ANKRD36C: variants seen among roughly 807,000 people sequenced by gnomAD.
ANKRD36C encodes the protein ankyrin repeat domain 36C.
In ANKRD36C, 61 loss-of-function variants were observed where a neutral mutation model predicts 276.4. That is an observed-to-expected ratio of 0.22 (90% CI 0.18 to 0.27). ANKRD36C has a LOEUF of 0.27. Among genes scored for constraint, ANKRD36C ranks in the 10% least tolerant of loss-of-function variants. ANKRD36C has a pLI of 1.00. For synonymous variants in ANKRD36C, 483 were observed against 680.1 expected, an observed-to-expected ratio of 0.71 and a Z score of 4.51; for missense variants, 1,447 against 2,032.3, an observed-to-expected ratio of 0.71 and a Z score of 5.54.
intron 6 of ANKRD36C, among the ~76,000 whole-genome samples, chr2:95,970,792 G>C (rs1353386521): frequency 1.3e-5 from 2 of 152,134 alleles, no homozygotes; most frequent in Non-Finnish European, 2.9e-5. Context: ...AAATAGGAAA[G>C]ACTTTCTGAC....
At chr2:95,854,562 T>C (rs1675365279) in intron 63 of ANKRD36C, among the ~76,000 whole-genome samples, 1 of 152,046 alleles carries the variant, frequency 6.6e-6, no homozygotes, top group Admixed American at 6.6e-5. Flanking sequence ...GAAATAAAAA[T>C]TATGAGCAAA....
At chr2:95,859,760 T>C (rs1386976266) in intron 61 of ANKRD36C, 101 bp downstream of exon 81, 2 of 1,327,754 alleles carry the variant, frequency 1.5e-6, no homozygotes, top group Non-Finnish European at 2.1e-6. Flanking sequence ...CTTTCTTCCC[T>C]GTTAAATCCT....
chr2:95,951,320 T>C (rs1487452115), intron 15 of ANKRD36C, 28 bp downstream of exon 15: 3 of 1,386,248 alleles, frequency 2.2e-6, no homozygotes, highest in Middle Eastern at 3.5e-4. Context: ...CAGTAAATAC[T>C]ACAATAGGCA....
chr2:95,857,209 G>T, intron 62 of ANKRD36C, 100 bp downstream of exon 82: 3 of 1,336,104 alleles, frequency 2.2e-6, no homozygotes, highest in Non-Finnish European at 9.8e-7. Context: ...ATAAAATTTG[G>T]GGATTGTTCA....
chr2:95,939,685 A>G (rs1272399256), intron 20 of ANKRD36C, among the ~76,000 whole-genome samples: 2 of 150,234 alleles, frequency 1.3e-5, no homozygotes, highest in African/African-American at 4.9e-5. Context: ...AGCCTGGGTG[A>G]CAGAGCGAGA....
At position 95,978,106 on chromosome 2, in the gene ANKRD36C, C is replaced by G; in HGVS notation, c.799+16G>C. 1 of 1,059,128 alleles carries G rather than the reference C, an allele frequency of 9.4e-7. No homozygotes were observed. The allele number at this position is 1,059,128 out of a possible 1,614,324, so 65.6% of individuals were successfully genotyped here. On this transcript the variant is annotated intron_variant, in intron 6 of 66. Coordinates refer to ENST00000456556, the Ensembl canonical transcript of ANKRD36C. ...TGGTAGTACCATCAAGAGTAATTCA[C>G]TATCAGAAATCTTACCTGGATTGCT...
At chr2:95,988,255 C>T (rs1679073471) in intron 1 of ANKRD36C, among the ~76,000 whole-genome samples, 1 of 151,274 alleles carries the variant, frequency 6.6e-6, no homozygotes, top group Non-Finnish European at 1.5e-5. Flanking sequence ...ATAGGTATGG[C>T]TCATTTTTTT....
At chr2:95,890,882 G>T (rs1031595863) in intron 46 of ANKRD36C, among the ~76,000 whole-genome samples, 40 of 151,462 alleles carry the variant, frequency 2.6e-4, no homozygotes, top group Non-Finnish European at 5.6e-4. Context: ...GAAGTTTCAT[G>T]AAATAGCTAT....
At chr2:95,916,220 G>A in intron 36 of ANKRD36C, 49 bp from the exon 39 acceptor site, 1 of 1,599,188 alleles carries the variant, frequency 6.3e-7, no homozygotes, top group Non-Finnish European at 8.5e-7. Flanking sequence ...ATATGATAAA[G>A]TTATCCATAC....
intron 1 of ANKRD36C, among the ~76,000 whole-genome samples, chr2:95,989,923 T>C (rs2104549597): frequency 6.6e-6 from 1 of 152,358 alleles, no homozygotes; most frequent in South Asian, 2.1e-4. Flanking sequence ...AATGCTTTGC[T>C]CTATTTTAAA....
At chr2:95,943,619 A>C (rs1677957715) in intron 19 of ANKRD36C, among the ~76,000 whole-genome samples, 1 of 151,698 alleles carries the variant, frequency 6.6e-6, no homozygotes, top group South Asian at 2.1e-4. Flanking sequence ...AAGATTATGG[A>C]AAAGTGAAAT....
rs537161140 is a variant in ANKRD36C at position 95,956,150 on chromosome 2, T to C, written c.1136+636A>G. 2.2e-4 allele frequency among the ~76,000 whole-genome samples: 34 copies of C among 152,280 alleles called. No individual in the cohort carries two copies. The South Asian group carries it at 7.0e-3, about 32-fold the overall frequency. On this transcript the variant is annotated intron_variant, in intron 13 of 66. Transcript: ENST00000456556. ...AAATATCATTTTAATATATGCTAAA[T>C]ATAGTTATCATAACATGGTCTATAT... is the stretch of plus-strand genomic sequence containing the variant.
chr2:95,990,906 G>C (rs1471235112), intron 1 of ANKRD36C, among the ~76,000 whole-genome samples: 1 of 152,090 alleles, frequency 6.6e-6, no homozygotes, highest in African/African-American at 2.4e-5. Flanking sequence ...ATAAAACGCT[G>C]TACATGCTGA....
At chr2:95,978,546 T>C (rs539772901) in intron 5 of ANKRD36C, among the ~76,000 whole-genome samples, 1 of 152,266 alleles carries the variant, frequency 6.6e-6, no homozygotes, top group Admixed American at 6.5e-5. Context: ...TTTTACTATC[T>C]CCTTTCACTA....
At chr2:95,950,395 G>A (rs201045990) in intron 16 of ANKRD36C, among the ~76,000 whole-genome samples, 6,966 of 96,352 alleles carry the variant, frequency 0.072, no homozygotes, top group East Asian at 0.18. Context: ...TTGATCTGAT[G>A]TAAATAAGTA....
intron 48 of ANKRD36C, among the ~76,000 whole-genome samples, chr2:95,888,861 C>A (rs141803341): frequency 5.3e-5 from 8 of 151,558 alleles, no homozygotes; most frequent in African/African-American, 1.9e-4. Flanking sequence ...CTGCTACAAG[C>A]ATTAGATATT....
At chr2:95,914,836 G>A (rs1229084199) in intron 38 of ANKRD36C, among the ~76,000 whole-genome samples, 4 of 151,424 alleles carry the variant, frequency 2.6e-5, no homozygotes, top group Admixed American at 6.6e-5. Context: ...TGATCACTTT[G>A]GATACCTGTT....
chr2:95,862,021 G>T (rs964575170), intron 60 of ANKRD36C, among the ~76,000 whole-genome samples: 4 of 151,466 alleles, frequency 2.6e-5, no homozygotes, highest in African/African-American at 9.7e-5. Context: ...ATTGTAAAAG[G>T]TTCAGTTAAT....
chr2:95,936,109 C>G (rs1429702163), intron 22 of ANKRD36C, among the ~76,000 whole-genome samples: 9 of 151,674 alleles, frequency 5.9e-5, no homozygotes, highest in African/African-American at 2.2e-4. Context: ...GGATTCTCAA[C>G]TTTAGCCCTC....
Sources: gnomAD v4.1 joint callset for allele counts (sites outside exome capture counted in the v4.1 genomes callset) on GRCh38, gnomAD v4.1.1 for gene constraint, MANE v1.5 for transcripts, NCBI Gene and HGNC (gene_info 2026-07-23, HGNC 2026-07-21) for gene names.